CDH26: variants seen among roughly 807,000 people sequenced by gnomAD.
CDH26 encodes cadherin-like protein 26.
A neutral mutation model predicts 90.3 loss-of-function variants in CDH26; 83 were observed. The ratio of observed to expected loss-of-function variants is 0.92; its 90% CI spans 0.77 to 1.10. The LOEUF (loss-of-function observed/expected upper bound fraction) is 1.10, where lower values mean the gene tolerates loss of function less well. CDH26 is among the 50% of genes least tolerant of loss of function. CDH26 has a pLI of 0.00. For missense variants in CDH26, 1,013 were observed against 1,037.6 expected, an observed-to-expected ratio of 0.98 and a Z score of 0.33; for synonymous variants, 397 against 396.3, an observed-to-expected ratio of 1.00 and a Z score of -0.02.
rs2062030649 is a variant in CDH26 at position 60,030,361 on chromosome 20, G to A, written c.948-870G>A. ...AGCAGAGAAACTTTGGTCTGTTGGTGTTTTAAGTATCTGGGTTTTTTTTTG... is the reference window on the plus strand; with the variant it reads ...AGCAGAGAAACTTTGGTCTGTTGGTATTTTAAGTATCTGGGTTTTTTTTTG... On this transcript the variant is annotated intron_variant, in intron 7 of 8. Transcript: ENST00000370991. This position sits in a 1 kb window ranked among gnomAD's most constrained non-coding sequence, Gnocchi z 4.0. Among the ~76,000 whole-genome samples the A allele has an allele frequency of 6.6e-6, 1 of 152,082 alleles. No individual in the cohort carries two copies. Among genetic ancestry groups the A allele is most frequent in the South Asian group, 2.1e-4 (1 of 4,824 alleles).
intron 7 of CDH26, among the ~76,000 whole-genome samples, chr20:60,020,720 A>G (rs2061945317): frequency 6.6e-6 from 1 of 152,084 alleles, no homozygotes; most frequent in Non-Finnish European, 1.5e-5. Context: ...GTGGGTGGGT[A>G]TGTGTGGGTG....
chr20:59,961,186 C>T (rs992187115), intron 1 of CDH26, among the ~76,000 whole-genome samples: 6 of 152,192 alleles, frequency 3.9e-5, no homozygotes, highest in Non-Finnish European at 8.8e-5. Context: ...CCTTCCCTCA[C>T]TCCTGCTCCT....
chr20:59,973,728 TC>T (rs1282638003), intron 4 of CDH26, among the ~76,000 whole-genome samples: 1 of 152,212 alleles, frequency 6.6e-6, no homozygotes, highest in East Asian at 1.9e-4. Flanking sequence ...ATAATCCCAT[TC>T]TTTTTTATGG....
At chr20:60,021,319 C>T (rs1298484049) in intron 7 of CDH26, among the ~76,000 whole-genome samples, 2 of 152,206 alleles carry the variant, frequency 1.3e-5, no homozygotes, top group Non-Finnish European at 2.9e-5. Context: ...TGTTGGCACA[C>T]AACCATGCTC....
chr20:60,008,297 A>G (rs886565104), intron 17 of CDH26, among the ~76,000 whole-genome samples: 5 of 152,204 alleles, frequency 3.3e-5, no homozygotes, highest in African/African-American at 1.2e-4. Flanking sequence ...TAGTCTGCAC[A>G]TCAGCCTATT....
intron 4 of CDH26, among the ~76,000 whole-genome samples, chr20:59,976,087 G>A (rs1193083083): frequency 2.0e-5 from 3 of 152,086 alleles, no homozygotes; most frequent in African/African-American, 7.2e-5. Flanking sequence ...ATAATTATTT[G>A]TTAATTTTTT....
At chr20:59,970,218 T>C in intron 3 of CDH26, 32 bp downstream of exon 3, 5 of 1,607,064 alleles carry the variant, frequency 3.1e-6, no homozygotes, top group Non-Finnish European at 4.2e-6. Flanking sequence ...AATGACCCCA[T>C]CATGCCCTCT....
intron 9 of CDH26, among the ~76,000 whole-genome samples, chr20:59,990,695 A>T (rs780226885): frequency 3.9e-5 from 6 of 152,122 alleles, no homozygotes; most frequent in Non-Finnish European, 7.4e-5. Context: ...TTTTGCAGTT[A>T]TCTCATTGTG....
At chr20:59,999,747 C>A in intron 14 of CDH26, 84 bp downstream of exon 14, 2 of 1,240,788 alleles carry the variant, frequency 1.6e-6, no homozygotes, top group Non-Finnish European at 2.4e-6. Flanking sequence ...TGGGATGCTC[C>A]TCCCAGTGCC....
intron 15 of CDH26, among the ~76,000 whole-genome samples, 156 bp from the exon 16 acceptor site, chr20:60,002,657 G>A (rs2426867): frequency 0.034 from 5,140 of 151,012 alleles, 304 homozygotes; most frequent in African/African-American, 0.12. Flanking sequence ...TGTGAAACTT[G>A]TTCATGAATT....
At chr20:60,033,479 T>TTTGCAGATGAGGAGAACAAGGCTGGGA in intron 8 of CDH26, 1 of 1,302,058 alleles carries the variant, frequency 7.7e-7, no homozygotes, top group Non-Finnish European at 1.0e-6. Flanking sequence ...TTCACCCCAT[T>TTTGCAGATGAGGAGAACAAGGCTGGGA]TTGCAGATGA....
chr20:60,034,492 C>T (rs1260931238), downstream of CDH26, among the ~76,000 whole-genome samples: 11 of 152,114 alleles, frequency 7.2e-5, no homozygotes, highest in African/African-American at 2.2e-4. Context: ...CTCATAGCCT[C>T]GGAGCCGTGG....
At chr20:59,977,464 G>T (rs1205622065) in intron 4 of CDH26, among the ~76,000 whole-genome samples, 1 of 151,826 alleles carries the variant, frequency 6.6e-6, no homozygotes, top group Non-Finnish European at 1.5e-5. Flanking sequence ...AGCCTGATTC[G>T]ACTTGCTTTT....
intron 17 of CDH26, among the ~76,000 whole-genome samples, chr20:60,010,093 C>A (rs555205617): frequency 6.8e-6 from 1 of 147,324 alleles, no homozygotes. Flanking sequence ...TAGACTGGGG[C>A]GGGGAGACAG....
rs1308262740 is a variant in CDH26 at position 60,021,885 on chromosome 20, C to CATACACACACACACACACACAT, written c.948-9345_948-9344insTACACACACACACACACACATA. 2.3e-4 allele frequency among the ~76,000 whole-genome samples: 12 copies of CATACACACACACACACACACAT among 53,264 alleles called. 1 individual carries two copies. The highest frequency in any genetic ancestry group is 5.6e-4 in the African/African-American group (12 of 21,366). The allele number at this position is 53,264 out of a possible 152,430, so 34.9% of individuals were successfully genotyped here. On this transcript the variant is annotated intron_variant, in intron 7 of 8. Coordinates refer to the CDH26 transcript ENST00000370991. ...ACACACACACACACACACACACACA[C>CATACACACACACACACACACAT]ACACACACACACATATATATATATA... is the stretch of plus-strand genomic sequence containing the variant.
At chr20:60,006,633 C>T in intron 16 of CDH26, 80 bp from the exon 17 acceptor site, 1 of 990,996 alleles carries the variant, frequency 1.0e-6, no homozygotes, top group Admixed American at 1.7e-5. Context: ...CCCATCTATG[C>T]TGGGGCCACT....
Position 59,994,459 on chromosome 20 carries a change from G to A in CDH26, c.1636G>A (p.Glu546Lys), listed in dbSNP as rs778025653. The change falls in exon 11 of 18, where the codon GAG becomes AAG. Residue 546 changes from glutamate (E) to lysine (K), a missense_variant. Glu to Lys is a moderately conservative substitution (Grantham distance 56, BLOSUM62 1). Coordinates refer to ENST00000348616, the MANE Select transcript of CDH26 (RefSeq NM_177980.4). ...ATTGGACAATACCTGGGGAAATGCG[G>A]AGGACACATGGAAGTTGGGGAGAAA... ...FELDNTWGNA[E>K]DTWKLGRNWG... is the part of the protein sequence containing the mutation. The A allele has an allele frequency of 1.9e-6, 3 of 1,614,072 alleles. No individual in the cohort carries two copies. In the Admixed American group the frequency reaches 5.0e-5, roughly 27 times the overall value.
chr20:59,996,838 C>G lies in CDH26; in HGVS notation c.2019+77C>G. 5 of 1,565,622 alleles carry G rather than the reference C, an allele frequency of 3.2e-6. No homozygotes were observed. In the South Asian group the frequency reaches 3.5e-5, roughly 11 times the overall value. ...AGACATATAGCATGTATTTTTCCCC[C>G]CATTGTGCCACCTCTTAATTCTTCA... On this transcript the variant is annotated intron_variant, in intron 13 of 17. Coordinates refer to ENST00000348616, the MANE Select transcript of CDH26 (RefSeq NM_177980.4).
intron 8 of CDH26, 99 bp from the exon 9 acceptor site, chr20:59,988,805 A>T: frequency 7.4e-7 from 1 of 1,344,852 alleles, no homozygotes; most frequent in Non-Finnish European, 1.0e-6. Flanking sequence ...TGAAGTGCAA[A>T]AGCCACAAGC....
Sources: gnomAD v4.1 joint callset for allele counts (sites outside exome capture counted in the v4.1 genomes callset) on GRCh38, gnomAD v4.1.1 for gene constraint, Gnocchi (gnomAD v3.1) non-coding constraint, MANE v1.5 for transcripts, NCBI Gene and HGNC (gene_info 2026-07-23, HGNC 2026-07-21) for gene names.